UBE4A: variants seen among roughly 807,000 people sequenced by gnomAD.
The protein encoded by UBE4A is ubiquitin conjugation factor E4 A.
Under a neutral mutation model 117.9 loss-of-function variants are expected in UBE4A, and 48 were observed. The observed-to-expected ratio is 0.41, with a 90% CI of 0.32 to 0.52. UBE4A has a LOEUF of 0.52. Ranked by LOEUF, UBE4A falls within the 20% of genes least tolerant of loss-of-function variation. The pLI, the probability that UBE4A is intolerant of heterozygous loss-of-function variation, is 0.33. For missense variants in UBE4A, 1,067 were observed against 1,296.3 expected, an observed-to-expected ratio of 0.82 and a Z score of 2.72; for synonymous variants, 407 against 450.0, an observed-to-expected ratio of 0.90 and a Z score of 1.21.
intron 9 of UBE4A, among the ~76,000 whole-genome samples, 193 bp downstream of exon 9, chr11:118,375,422 C>T (rs1948643991): frequency 6.6e-6 from 1 of 152,042 alleles, no homozygotes; most frequent in Non-Finnish European, 1.5e-5. Context: ...TGCAGTGACG[C>T]TATCTTGGCT....
chr11:118,365,892 A>G (rs1295573116), intron 2 of UBE4A, among the ~76,000 whole-genome samples: 1 of 152,224 alleles, frequency 6.6e-6, no homozygotes, highest in African/African-American at 2.4e-5. Flanking sequence ...ATAAGGAGAC[A>G]TATACACTAG....
At chr11:118,366,662 C>T (rs569453973) in intron 2 of UBE4A, among the ~76,000 whole-genome samples, 2 of 152,340 alleles carry the variant, frequency 1.3e-5, no homozygotes, top group African/African-American at 4.8e-5. Flanking sequence ...ACAACTCTTA[C>T]TTTGAGAGTT....
Position 118,398,899 on chromosome 11 carries a change from C to A in UBE4A, c.*2459C>A. ...GTGCCAGTTGCTATTTGATATCACA[C>A]TCTACAAAAGCTTCATTACTTTATT... On this transcript the variant is annotated 3_prime_UTR_variant, in exon 20 of 20. Coordinates refer to ENST00000252108, the MANE Select transcript of UBE4A (RefSeq NM_001204077.2). The A allele has an allele frequency of 4.8e-6, 1 of 210,254 alleles. No individual in the cohort carries two copies. Among genetic ancestry groups the A allele is most frequent in the Non-Finnish European group, 1.0e-5 (1 of 97,668 alleles). 13.0% of individuals were successfully genotyped at this position (210,254 alleles called of 1,614,324 possible). A position where few individuals can be genotyped will look rare whatever the true frequency, so the allele number is the denominator to read the frequency against.
intron 10 of UBE4A, 40 bp downstream of exon 10, chr11:118,376,734 G>A (rs202145268): frequency 4.2e-4 from 679 of 1,603,882 alleles, no homozygotes; most frequent in Non-Finnish European, 5.5e-4. Flanking sequence ...CAGTTTAGTT[G>A]TGTTGATAAC....
chr11:118,395,200 G>A (rs894820102), intron 19 of UBE4A, among the ~76,000 whole-genome samples: 1 of 150,790 alleles, frequency 6.6e-6, no homozygotes, highest in Non-Finnish European at 1.5e-5. Context: ...ATGATAGCAC[G>A]TGCCTGTAGT....
intron 9 of UBE4A, among the ~76,000 whole-genome samples, 182 bp from the exon 10 acceptor site, chr11:118,376,392 A>G (rs1393936892): frequency 3.3e-5 from 5 of 152,244 alleles, no homozygotes; most frequent in Admixed American, 1.3e-4. Context: ...ATTTCATGAA[A>G]AAGATTTAAC....
intron 7 of UBE4A, 28 bp downstream of exon 7, chr11:118,373,316 G>A (rs749557126): frequency 5.6e-6 from 9 of 1,606,690 alleles, no homozygotes; most frequent in South Asian, 1.1e-5. Flanking sequence ...TATGTATTCA[G>A]TTGAGCTAGA....
In UBE4A at chr11:118,381,443, C is replaced by T. The variant is rs782113017; in HGVS notation, c.1929C>T (p.Ala643=). The stretch of plus-strand genomic sequence containing the variant: ...TTCTCATTTTTCTCCGCCGCTTTGC[C>T]GATGACATTTTGGAGACATCAGCAG... The part of the protein sequence containing the change: ...GDFLIFLRRF[A]DDILETSADS... The change falls in exon 12 of 20, where the codon GCC becomes GCT. Residue 643 remains alanine (A), a synonymous_variant. Coordinates refer to ENST00000252108, the MANE Select transcript of UBE4A (RefSeq NM_001204077.2). The T allele has an allele frequency of 1.2e-5, 19 of 1,613,930 alleles. No individual in the cohort carries two copies. The Admixed American group carries it at 2.0e-4, about 17-fold the overall frequency.
At chr11:118,386,190 C>T (rs1157279474) in intron 15 of UBE4A, among the ~76,000 whole-genome samples, 1 of 152,140 alleles carries the variant, frequency 6.6e-6, no homozygotes, top group Non-Finnish European at 1.5e-5. Flanking sequence ...CAATGCTATA[C>T]TATTTCTAGG....
At chr11:118,384,996 A>G (rs782067614) in intron 15 of UBE4A, 51 bp downstream of exon 15, 2 of 1,463,706 alleles carry the variant, frequency 1.4e-6, no homozygotes, top group Admixed American at 1.9e-5. Context: ...CCATCAAATC[A>G]TCAGCAGTAC....
At chr11:118,371,928 A>G (rs562120657) in intron 5 of UBE4A, among the ~76,000 whole-genome samples, 27 of 152,200 alleles carry the variant, frequency 1.8e-4, no homozygotes, top group Admixed American at 1.6e-3. Context: ...AATGCCTCCT[A>G]TTCTCTCTAA....
rs1948867527 is a variant in UBE4A, at chr11:118,395,950, CT to C, written c.3075-363del. On this transcript the variant is annotated intron_variant, in intron 19 of 19. Coordinates refer to ENST00000252108, the MANE Select transcript of UBE4A (RefSeq NM_001204077.2). ...ATTAGCTGAGTGTCATGGTGCAGGC[CT>C]GTAATCCCAGCTACTTGGGAGGCTG... is the stretch of plus-strand genomic sequence containing the variant. Among the ~76,000 whole-genome samples, 4 of 152,214 alleles carry C rather than the reference CT, an allele frequency of 2.6e-5. No individual in the cohort carries two copies. In the South Asian group the frequency reaches 8.3e-4, roughly 32 times the overall value.
chr11:118,396,494 T>C lies in UBE4A; in HGVS notation c.*54T>C. 1.3e-6 allele frequency: 2 copies of C among 1,569,002 alleles called. No homozygotes were observed. Among genetic ancestry groups the C allele is most frequent in the Non-Finnish European group, 1.7e-6 (2 of 1,163,208 alleles). ...ACCCCAGAGTGCAGATAAACAATTG[T>C]TTGTGGTTTCTCTCTTTCTGGTTCT... On this transcript the variant is annotated 3_prime_UTR_variant, in exon 20 of 20. Coordinates refer to ENST00000252108, the MANE Select transcript of UBE4A (RefSeq NM_001204077.2).
At chr11:118,367,757 C>T (rs1591294911) in intron 2 of UBE4A, among the ~76,000 whole-genome samples, 1 of 152,068 alleles carries the variant, frequency 6.6e-6, no homozygotes, top group African/African-American at 2.4e-5. Flanking sequence ...CTCAGCCTCC[C>T]AAAGTGCTGG....
intron 18 of UBE4A, among the ~76,000 whole-genome samples, chr11:118,391,071 A>G (rs137878314): frequency 5.3e-5 from 8 of 152,322 alleles, no homozygotes; most frequent in African/African-American, 1.9e-4. Flanking sequence ...TTTTTACTCT[A>G]TTTCAGGGAG....
chr11:118,389,643 A>G, intron 16 of UBE4A, 82 bp from the exon 17 acceptor site: 3 of 1,270,034 alleles, frequency 2.4e-6, no homozygotes, highest in East Asian at 2.6e-5. Context: ...AGTAGTTCCC[A>G]GAGGTCTCCA....
chr11:118,379,598 T>C lies in UBE4A; in HGVS notation c.1724T>C (p.Met575Thr), dbSNP rs781875623. 1.2e-6 allele frequency: 2 copies of C among 1,614,234 alleles called. No homozygotes were observed. The highest frequency in any genetic ancestry group is 1.7e-6 in the Non-Finnish European group (2 of 1,180,030). Reference sequence around the variant, plus strand: ...ATCTATCTTTCTACCAAGACTGCCATGACAGAGCCACAAATGCTACAAAAC... The same window carrying C: ...ATCTATCTTTCTACCAAGACTGCCACGACAGAGCCACAAATGCTACAAAAC... ...MTIYLSTKTA[M>T]TEPQMLQNCL... is the part of the protein sequence containing the mutation. Residue 575 changes from methionine (M) to threonine (T), a missense_variant, in exon 11 of 20, where the codon ATG becomes ACG. Physicochemically the swap from Met to Thr is moderately conservative, Grantham distance 81 (BLOSUM62 -1). Transcript: ENST00000252108.
At chr11:118,373,045 A>T (rs1273431526) in intron 6 of UBE4A, 41 bp from the exon 7 acceptor site, 2 of 1,586,720 alleles carry the variant, frequency 1.3e-6, no homozygotes, top group Non-Finnish European at 1.7e-6. Context: ...GCATATAAAA[A>T]TTCTTGTGCC....
intron 6 of UBE4A, among the ~76,000 whole-genome samples, 153 bp from the exon 7 acceptor site, chr11:118,372,933 T>G (rs1364863042): frequency 6.7e-6 from 1 of 150,276 alleles, no homozygotes; most frequent in Non-Finnish European, 1.5e-5. Context: ...TAATCACACC[T>G]GTGAATAGCC....
Sources: gnomAD v4.1 joint callset for allele counts (sites outside exome capture counted in the v4.1 genomes callset) on GRCh38, gnomAD v4.1.1 for gene constraint, MANE v1.5 for transcripts, NCBI Gene and HGNC (gene_info 2026-07-23, HGNC 2026-07-21) for gene names.